Variants in ANKS1B observed in about 807,000 individuals in gnomAD.
ANKS1B encodes the protein ankyrin repeat and sterile alpha motif domain containing 1B.
A neutral mutation model predicts 148.3 loss-of-function variants in ANKS1B; 36 were observed. That is an observed-to-expected ratio of 0.24 (90% CI 0.19 to 0.32). The LOEUF (loss-of-function observed/expected upper bound fraction) is 0.32. ANKS1B is among the 10% of genes least tolerant of loss of function. ANKS1B has a pLI of 1.00. For missense variants in ANKS1B, 1,157 were observed against 1,542.6 expected, an observed-to-expected ratio of 0.75 and a Z score of 4.19; for synonymous variants, 542 against 560.8, an observed-to-expected ratio of 0.97 and a Z score of 0.47.
At chr12:99,805,186 A>C (rs1276388026) in intron 4 of ANKS1B, among the ~76,000 whole-genome samples, 1 of 150,304 alleles carries the variant, frequency 6.7e-6, no homozygotes, top group Non-Finnish European at 1.5e-5. Context: ...TATGACAGAA[A>C]GCAAAAAAGT....
At chr12:98,856,366 T>C (rs1567207667) in intron 17 of ANKS1B, among the ~76,000 whole-genome samples, 1 of 152,218 alleles carries the variant, frequency 6.6e-6, no homozygotes, top group Non-Finnish European at 1.5e-5. Flanking sequence ...GAGGCAGACC[T>C]AGGTTTGAAT....
chr12:99,716,248 CT>C (rs2057315751), intron 8 of ANKS1B, among the ~76,000 whole-genome samples: 1 of 151,838 alleles, frequency 6.6e-6, no homozygotes, highest in Non-Finnish European at 1.5e-5. Flanking sequence ...TTTCCATGCC[CT>C]GACCTCTTAT....
chr12:99,528,179 A>T (rs915823479), intron 9 of ANKS1B, among the ~76,000 whole-genome samples: 37 of 152,238 alleles, frequency 2.4e-4, no homozygotes, highest in African/African-American at 8.7e-4. Flanking sequence ...TATGCAGAAA[A>T]TTGAAACTGG....
At chr12:99,516,503 AC>A (rs1327307732) in intron 9 of ANKS1B, among the ~76,000 whole-genome samples, 2 of 152,044 alleles carry the variant, frequency 1.3e-5, no homozygotes, top group Admixed American at 1.3e-4. Context: ...AAAACCAAAC[AC>A]CTCATGTTGT....
chr12:99,632,762 T>TAGA (rs2098180929), intron 9 of ANKS1B, among the ~76,000 whole-genome samples: 5 of 85,708 alleles, frequency 5.8e-5, no homozygotes, highest in Non-Finnish European at 1.3e-4. Flanking sequence ...TATATATATA[T>TAGA]ATATATTTTA....
chr12:99,308,648 C>A (rs2082681878), intron 12 of ANKS1B, among the ~76,000 whole-genome samples: 1 of 150,728 alleles, frequency 6.6e-6, no homozygotes, highest in African/African-American at 2.4e-5. Context: ...TGTTAAGATC[C>A]AAAAAAAACT....
chr12:99,722,871 CAG>C (rs1476126144), intron 8 of ANKS1B, among the ~76,000 whole-genome samples: 1 of 152,202 alleles, frequency 6.6e-6, no homozygotes, highest in Non-Finnish European at 1.5e-5. Flanking sequence ...GTGTGACCTA[CAG>C]AGAGAAAGGA....
intron 15 of ANKS1B, among the ~76,000 whole-genome samples, chr12:99,098,464 T>C (rs144906805): frequency 5.9e-5 from 9 of 152,220 alleles, no homozygotes; most frequent in African/African-American, 1.9e-4. Flanking sequence ...TTAATAGCAG[T>C]GTGACTCAGG....
chr12:99,777,420 T>C (rs2063759073), intron 6 of ANKS1B, among the ~76,000 whole-genome samples: 1 of 151,732 alleles, frequency 6.6e-6, no homozygotes, highest in Non-Finnish European at 1.5e-5. Flanking sequence ...CAAAGATAGT[T>C]ACTCCCATGT....
chr12:99,027,032 T>C (rs1036232030), intron 17 of ANKS1B, among the ~76,000 whole-genome samples: 2 of 152,194 alleles, frequency 1.3e-5, no homozygotes, highest in Non-Finnish European at 2.9e-5. Flanking sequence ...AGTCTGTAAG[T>C]TTGAGAAGTT....
intron 1 of ANKS1B, among the ~76,000 whole-genome samples, chr12:99,886,195 A>G (rs1278837218): frequency 7.9e-5 from 12 of 152,224 alleles, no homozygotes; most frequent in Non-Finnish European, 1.6e-4. Flanking sequence ...AATAATGGCC[A>G]TTCTGGCTTG....
intron 14 of ANKS1B, among the ~76,000 whole-genome samples, chr12:99,185,331 G>A (rs540489247): frequency 2.0e-5 from 3 of 152,316 alleles, no homozygotes; most frequent in South Asian, 4.1e-4. Flanking sequence ...TACTCACAAC[G>A]ATTGGTATAG....
At chr12:99,066,509 G>A (rs113968114) in intron 16 of ANKS1B, among the ~76,000 whole-genome samples, 6 of 152,304 alleles carry the variant, frequency 3.9e-5, no homozygotes, top group African/African-American at 1.4e-4. Context: ...CCAGGGGCCA[G>A]ATAAGTGAGG....
chr12:99,288,670 A>G (rs902389635), intron 12 of ANKS1B, among the ~76,000 whole-genome samples: 1 of 152,096 alleles, frequency 6.6e-6, no homozygotes, highest in Non-Finnish European at 1.5e-5. Context: ...TTGTTTTTGC[A>G]GTCAGGGTTA....
chr12:99,701,560 TTATTC>T (rs1766445453), intron 8 of ANKS1B, among the ~76,000 whole-genome samples: 1 of 152,154 alleles, frequency 6.6e-6, no homozygotes, highest in Non-Finnish European at 1.5e-5. Flanking sequence ...ATTCCCTCAG[TTATTC>T]ACAAATGTAC....
intron 17 of ANKS1B, among the ~76,000 whole-genome samples, chr12:98,933,157 C>T (rs189718048): frequency 1.3e-5 from 2 of 152,238 alleles, no homozygotes; most frequent in Non-Finnish European, 2.9e-5. Flanking sequence ...GTAACTCTCC[C>T]TAGCCCTGGA....
intron 22 of ANKS1B, among the ~76,000 whole-genome samples, chr12:98,796,279 G>T (rs568223020): frequency 6.6e-6 from 1 of 152,280 alleles, no homozygotes; most frequent in African/African-American, 2.4e-5. Flanking sequence ...ACTTTGAACA[G>T]AAAACATCTT....
intron 9 of ANKS1B, among the ~76,000 whole-genome samples, chr12:99,535,607 C>T (rs2097057544): frequency 6.6e-6 from 1 of 152,110 alleles, no homozygotes; most frequent in African/African-American, 2.4e-5. Context: ...ATTTTCCATT[C>T]AACTGTATGC....
intron 9 of ANKS1B, among the ~76,000 whole-genome samples, chr12:99,654,821 C>A (rs1399047269): frequency 6.6e-6 from 1 of 152,090 alleles, no homozygotes; most frequent in Non-Finnish European, 1.5e-5. Flanking sequence ...AACAAGATAA[C>A]TTTTCTGCAT....
Sources: allele counts gnomAD v4.1 joint callset (sites outside exome capture counted in the v4.1 genomes callset), GRCh38; gene constraint gnomAD v4.1.1; transcripts MANE v1.5; gene names NCBI Gene and HGNC (gene_info 2026-07-23, HGNC 2026-07-21).